SCLT1: variants seen among roughly 807,000 people sequenced by gnomAD.
SCLT1 encodes the protein sodium channel and clathrin linker 1.
A neutral mutation model predicts 112.8 loss-of-function variants in SCLT1; 78 were observed. That is an observed-to-expected ratio of 0.69 (90% CI 0.58 to 0.83). The LOEUF is 0.83. Ranked by LOEUF, SCLT1 falls within the 40% of genes least tolerant of loss-of-function variation. SCLT1 has a pLI of 0.00. For missense variants in SCLT1, 747 were observed against 770.4 expected, an observed-to-expected ratio of 0.97 and a Z score of 0.36; for synonymous variants, 257 against 254.7, an observed-to-expected ratio of 1.01 and a Z score of -0.09.
At chr4:128,909,990 T>C (rs939067151) in intron 18 of SCLT1, among the ~76,000 whole-genome samples, 3 of 152,248 alleles carry the variant, frequency 2.0e-5, no homozygotes, top group African/African-American at 7.2e-5. Context: ...GGGGAAAAAT[T>C]TGATGGCAGA....
chr4:129,063,550 G>C (rs1423030810), intron 2 of SCLT1, among the ~76,000 whole-genome samples: 2 of 152,184 alleles, frequency 1.3e-5, no homozygotes, highest in African/African-American at 2.4e-5. Flanking sequence ...CCATCTAGGG[G>C]GTGCACATGA....
At chr4:129,053,678 G>C (rs1749072706) in intron 2 of SCLT1, among the ~76,000 whole-genome samples, 1 of 148,056 alleles carries the variant, frequency 6.8e-6, no homozygotes, top group South Asian at 2.2e-4. Flanking sequence ...CCTGAAGACA[G>C]CGGACTGATG....
At chr4:129,038,534 G>T (rs1020753151) in intron 5 of SCLT1, among the ~76,000 whole-genome samples, 3 of 151,976 alleles carry the variant, frequency 2.0e-5, no homozygotes, top group Non-Finnish European at 4.4e-5. Context: ...TAAAAGCAAG[G>T]GAATGATAAA....
intron 5 of SCLT1, among the ~76,000 whole-genome samples, chr4:129,030,739 C>A (rs542571698): frequency 1.8e-4 from 28 of 152,198 alleles, no homozygotes; most frequent in Admixed American, 4.6e-4. Context: ...AACACATACA[C>A]CCTCCCAAGA....
At chr4:129,006,783 G>A (rs1267321207) in intron 5 of SCLT1, among the ~76,000 whole-genome samples, 3 of 151,996 alleles carry the variant, frequency 2.0e-5, no homozygotes, top group African/African-American at 7.3e-5. Context: ...CTCTGTTCCC[G>A]AGGTGTTATA....
chr4:128,966,942 C>T (rs1170801055), intron 10 of SCLT1, among the ~76,000 whole-genome samples: 6 of 151,170 alleles, frequency 4.0e-5, no homozygotes, highest in Non-Finnish European at 5.9e-5. Context: ...TTTGGTATAC[C>T]GATTATTTTG....
At chr4:129,069,276 T>C (rs1750769235) in intron 2 of SCLT1, among the ~76,000 whole-genome samples, 1 of 152,174 alleles carries the variant, frequency 6.6e-6, no homozygotes, top group African/African-American at 2.4e-5. Context: ...TAGTTCCATA[T>C]GAATTTTAGA....
chr4:128,952,113 T>G (rs1370145976), intron 14 of SCLT1, among the ~76,000 whole-genome samples: 3 of 152,182 alleles, frequency 2.0e-5, no homozygotes, highest in African/African-American at 7.2e-5. Context: ...ACAGAGTGTG[T>G]ATGCTCAACA....
chr4:129,039,616 A>G (rs751820829), intron 4 of SCLT1: 9 of 158,092 alleles, frequency 5.7e-5, no homozygotes, highest in Non-Finnish European at 1.3e-4. Flanking sequence ...AACTCTCCGT[A>G]CCATACAAGG....
At chr4:128,954,190 T>C (rs928905079) in intron 13 of SCLT1, among the ~76,000 whole-genome samples, 1 of 152,202 alleles carries the variant, frequency 6.6e-6, no homozygotes, top group Non-Finnish European at 1.5e-5. Flanking sequence ...AGATGGACTA[T>C]TTTGAAAATA....
chr4:129,023,700 G>A (rs1745711541), intron 5 of SCLT1, among the ~76,000 whole-genome samples: 1 of 152,192 alleles, frequency 6.6e-6, no homozygotes, highest in Admixed American at 6.5e-5. Flanking sequence ...GACAGTGGGT[G>A]CAGTGCACTG....
At chr4:128,900,763 T>G (rs1361563540) in intron 18 of SCLT1, among the ~76,000 whole-genome samples, 4 of 152,082 alleles carry the variant, frequency 2.6e-5, no homozygotes, top group African/African-American at 9.7e-5. Context: ...GGAGAAAATT[T>G]TTGCAATCTA....
chr4:129,030,993 A>G (rs778777862), intron 5 of SCLT1, among the ~76,000 whole-genome samples: 24 of 152,056 alleles, frequency 1.6e-4, no homozygotes, highest in Non-Finnish European at 3.1e-4. Context: ...CATCGTCCTG[A>G]TACCAAAACC....
intron 9 of SCLT1, among the ~76,000 whole-genome samples, chr4:128,980,629 T>C (rs547214994): frequency 6.6e-6 from 1 of 152,296 alleles, no homozygotes; most frequent in South Asian, 2.1e-4. Context: ...ACATAAAAAA[T>C]ATTTAAGGCT....
intron 2 of SCLT1, among the ~76,000 whole-genome samples, chr4:129,051,005 T>G (rs2125711415): frequency 6.6e-6 from 1 of 151,016 alleles, no homozygotes; most frequent in East Asian, 2.0e-4. Context: ...TACTTGTTTT[T>G]GTCAGGTTTA....
chr4:129,089,266 T>A (rs1752639954), intron 1 of SCLT1, among the ~76,000 whole-genome samples: 1 of 152,242 alleles, frequency 6.6e-6, no homozygotes, highest in South Asian at 2.1e-4. Context: ...ATGCTCATCA[T>A]CACTGGTTAT....
At chr4:128,982,663 G>A (rs887340203) in intron 9 of SCLT1, among the ~76,000 whole-genome samples, 3 of 151,852 alleles carry the variant, frequency 2.0e-5, no homozygotes, top group East Asian at 1.9e-4. Context: ...CACCATGCCC[G>A]GCTAATTTTT....
intron 18 of SCLT1, among the ~76,000 whole-genome samples, chr4:128,915,469 T>G (rs1300659017): frequency 1.3e-5 from 2 of 152,222 alleles, no homozygotes; most frequent in Non-Finnish European, 2.9e-5. Flanking sequence ...GTCTTCATAA[T>G]AATTCTTAGA....
At chr4:128,890,282 C>T (rs1290565778) in intron 19 of SCLT1, among the ~76,000 whole-genome samples, 1 of 152,084 alleles carries the variant, frequency 6.6e-6, no homozygotes, top group East Asian at 1.9e-4. Flanking sequence ...TTTGATCTTC[C>T]TATATTATTA....
Sources: gnomAD v4.1 joint callset for allele counts (sites outside exome capture counted in the v4.1 genomes callset) on GRCh38, gnomAD v4.1.1 for gene constraint, MANE v1.5 for transcripts, NCBI Gene and HGNC (gene_info 2026-07-23, HGNC 2026-07-21) for gene names.